IGFL4: variants seen among roughly 807,000 people sequenced by gnomAD.
The protein encoded by IGFL4 is IGF like family member 4.
Under a neutral mutation model 15.4 loss-of-function variants are expected in IGFL4, and 12 were observed. The ratio of observed to expected loss-of-function variants is 0.78; its 90% CI spans 0.50 to 1.26. The LOEUF (loss-of-function observed/expected upper bound fraction) is 1.26, where lower values mean the gene tolerates loss of function less well. Ranked by LOEUF, IGFL4 falls within the 50% of genes most tolerant of loss-of-function variation. The pLI is 0.00. For synonymous variants in IGFL4, 54 were observed against 55.9 expected (o/e 0.97, Z 0.16); for missense variants, 126 against 147.8 (o/e 0.85, Z 0.76).
intron 1 of IGFL4, among the ~76,000 whole-genome samples, chr19:46,067,747 G>C (rs1008987550): frequency 6.6e-6 from 1 of 152,126 alleles, no homozygotes; most frequent in Non-Finnish European, 1.5e-5. Context: ...TTGGCAGCCA[G>C]GTTTGTTTCT....
At chr19:46,042,743 T>C (rs10408869), upstream of IGFL4, among the ~76,000 whole-genome samples, 6,862 of 152,240 alleles carry the variant, frequency 0.045, 503 homozygotes, top group African/African-American at 0.15. Context: ...ACAAGAATAA[T>C]AGGATGCCTG....
upstream of IGFL4, among the ~76,000 whole-genome samples, chr19:46,043,424 G>A (rs1412048936): frequency 6.6e-6 from 1 of 152,168 alleles, no homozygotes; most frequent in Non-Finnish European, 1.5e-5. Context: ...AGCAGGATTT[G>A]TCTCAGATAG....
At chr19:46,045,542 T>C (rs1969290774), upstream of IGFL4, among the ~76,000 whole-genome samples, 1 of 151,860 alleles carries the variant, frequency 6.6e-6, no homozygotes, top group South Asian at 2.1e-4. Context: ...TGATAAATTA[T>C]ACAGGAGCTG....
chr19:46,070,499 A>T (rs1172154303), intron 1 of IGFL4, among the ~76,000 whole-genome samples: 2 of 152,168 alleles, frequency 1.3e-5, no homozygotes, highest in African/African-American at 4.8e-5. Context: ...ATAACTAAAA[A>T]AAAAAAGGAA....
chr19:46,061,702 A>AATTAATTTTACCATAATTAATTT (rs1969446741), intron 1 of IGFL4, among the ~76,000 whole-genome samples: 3 of 152,168 alleles, frequency 2.0e-5, no homozygotes, highest in African/African-American at 4.8e-5. Context: ...ATTGCTAGGC[A>AATTAATTTTACCATAATTAATTT]ACCCAAAGTC....
At chr19:46,071,668 T>C (rs1455567682) in intron 1 of IGFL4, among the ~76,000 whole-genome samples, 1 of 152,186 alleles carries the variant, frequency 6.6e-6, no homozygotes, top group African/African-American at 2.4e-5. Context: ...TGGAATAATA[T>C]TTTTACAGAG....
chr19:46,047,760 C>T (rs567301475), intron 2 of IGFL4, among the ~76,000 whole-genome samples: 3 of 152,066 alleles, frequency 2.0e-5, no homozygotes, highest in Admixed American at 6.5e-5. Context: ...TTATGATTTC[C>T]GAAATTGGGG....
At chr19:46,061,623 C>T (rs751337266) in intron 1 of IGFL4, among the ~76,000 whole-genome samples, 1 of 152,174 alleles carries the variant, frequency 6.6e-6, no homozygotes, top group East Asian at 1.9e-4. Flanking sequence ...CTCATTTTTA[C>T]ACCAGGTCCT....
At chr19:46,055,240 G>A (rs1413938879) in intron 2 of IGFL4, among the ~76,000 whole-genome samples, 1 of 152,138 alleles carries the variant, frequency 6.6e-6, no homozygotes, top group East Asian at 1.9e-4. Flanking sequence ...TCAGTAATAT[G>A]TTTTCTTTTC....
At chr19:46,073,704 C>T (rs1458152618) in intron 1 of IGFL4, among the ~76,000 whole-genome samples, 4 of 152,186 alleles carry the variant, frequency 2.6e-5, no homozygotes, top group Admixed American at 6.5e-5. Context: ...ATTCTGGGAT[C>T]ATTCTCGAGA....
At chr19:46,044,300 T>C (rs1031961470), upstream of IGFL4, among the ~76,000 whole-genome samples, 1 of 152,182 alleles carries the variant, frequency 6.6e-6, no homozygotes, top group Non-Finnish European at 1.5e-5. Flanking sequence ...GAGTTTTACG[T>C]ACTCTGGCCC....
chr19:46,041,612 G>A (rs1247584695), upstream of IGFL4, among the ~76,000 whole-genome samples: 1 of 151,370 alleles, frequency 6.6e-6, no homozygotes, highest in Non-Finnish European at 1.5e-5. Context: ...TTGGTTTGTG[G>A]AGTGCCTTGT....
At chr19:46,052,817 A>G (rs564156029) in intron 2 of IGFL4, among the ~76,000 whole-genome samples, 4 of 150,702 alleles carry the variant, frequency 2.7e-5, no homozygotes, top group Admixed American at 1.3e-4. Context: ...TAAAATGTAC[A>G]TTACATGTTT....
intron 2 of IGFL4, among the ~76,000 whole-genome samples, chr19:46,050,787 A>G (rs925206528): frequency 6.6e-6 from 1 of 152,312 alleles, no homozygotes; most frequent in Non-Finnish European, 1.5e-5. Context: ...CTTGCTAGAG[A>G]TTTAGACGTT....
chr19:46,072,321 T>G (rs975691142), intron 1 of IGFL4, among the ~76,000 whole-genome samples: 1 of 152,172 alleles, frequency 6.6e-6, no homozygotes, highest in Non-Finnish European at 1.5e-5. Context: ...GATGGCTTGA[T>G]GGAACTGGAA....
intron 2 of IGFL4, among the ~76,000 whole-genome samples, chr19:46,051,986 C>T (rs1015567492): frequency 6.6e-6 from 1 of 152,060 alleles, no homozygotes; most frequent in Non-Finnish European, 1.5e-5. Context: ...ATTTATAAAA[C>T]AATTAGTACT....
intron 1 of IGFL4, among the ~76,000 whole-genome samples, chr19:46,071,644 A>G (rs756594651): frequency 6.6e-6 from 1 of 152,240 alleles, no homozygotes; most frequent in East Asian, 1.9e-4. Flanking sequence ...GAATGAATTC[A>G]TAAGTTCAAG....
chr19:46,057,460 G>T (rs936072193), intron 2 of IGFL4, among the ~76,000 whole-genome samples: 1 of 152,232 alleles, frequency 6.6e-6, no homozygotes, highest in Non-Finnish European at 1.5e-5. Context: ...TAAATCAGCC[G>T]TGCTAACATT....
At chr19:46,042,565 A>G (rs547917764), upstream of IGFL4, among the ~76,000 whole-genome samples, 1 of 152,292 alleles carries the variant, frequency 6.6e-6, no homozygotes, top group East Asian at 1.9e-4. Context: ...CACGGAACCC[A>G]CTGTCAAGCA....
Sources: allele counts gnomAD v4.1 joint callset (sites outside exome capture counted in the v4.1 genomes callset), GRCh38; gene constraint gnomAD v4.1.1; transcripts MANE v1.5; gene names NCBI Gene and HGNC (gene_info 2026-07-23, HGNC 2026-07-21).